The following TRIM16 variants were observed in gnomAD, a reference collection of about 807,000 sequenced individuals.
TRIM16 encodes tripartite motif containing 16, also known as tripartite motif-containing protein 16.
Under a neutral mutation model 50.4 loss-of-function variants are expected in TRIM16, and 33 were observed. The ratio of observed to expected loss-of-function variants is 0.65; its 90% CI spans 0.50 to 0.88. The LOEUF (loss-of-function observed/expected upper bound fraction) is 0.88. TRIM16 is among the 40% of genes least tolerant of loss of function. TRIM16 has a pLI of 0.00. For missense variants in TRIM16, 581 were observed against 686.8 expected (o/e 0.85, Z 1.72); for synonymous variants, 229 against 270.7 (o/e 0.85, Z 1.51).
chr17:15,650,716 T>C (rs1987645665), intron 7 of TRIM16, among the ~76,000 whole-genome samples: 1 of 152,186 alleles, frequency 6.6e-6, no homozygotes, highest in African/African-American at 2.4e-5. Context: ...GGATGTGCCA[T>C]GCAGATCCAG....
At chr17:15,646,341 A>G (rs2150912781) in intron 7 of TRIM16, among the ~76,000 whole-genome samples, 1 of 142,476 alleles carries the variant, frequency 7.0e-6, no homozygotes, top group South Asian at 2.3e-4. Context: ...GTTTCCCAAG[A>G]GGTCAGCCAC....
Position 15,651,886 on chromosome 17 carries a change from C to T in TRIM16, c.-277G>A. 1.4e-6 allele frequency: 2 copies of T among 1,385,904 alleles called. No homozygotes were observed. The highest frequency in any genetic ancestry group is 3.0e-5 in the South Asian group (2 of 66,110). 85.9% of individuals were successfully genotyped at this position (1,385,904 alleles called of 1,614,324 possible). ...CAGGTCCAGCCCTGAAACTTCTATT[C>T]TTATGTGAATCATCTGAACCCCATA... On this transcript the variant is annotated 5_prime_UTR_variant, in exon 7 of 12. Coordinates refer to ENST00000649191, the MANE Select transcript of TRIM16 (RefSeq NM_001348119.1).
chr17:15,647,557 C>T, intron 7 of TRIM16, among the ~76,000 whole-genome samples: 1 of 152,130 alleles, frequency 6.6e-6, no homozygotes, highest in Non-Finnish European at 1.5e-5. Flanking sequence ...GGAACCTGCA[C>T]TGACCTCGCT....
rs917222966 is a variant in TRIM16, at chr17:15,638,487, A to G, written c.616-2218T>C. ...TCAGAGGCTGAGGCGGGAGAATGGCATGAACCTAGGAAGCGGAGCTTGCAG... is the reference window on the plus strand; with the variant it reads ...TCAGAGGCTGAGGCGGGAGAATGGCGTGAACCTAGGAAGCGGAGCTTGCAG... On this transcript the variant is annotated intron_variant, in intron 8 of 11. Transcript: ENST00000649191. Among the ~76,000 whole-genome samples the G allele has an allele frequency of 2.3e-4, 34 of 148,666 alleles. 1 individual carries two copies. Among genetic ancestry groups the G allele is most frequent in the African/African-American group, 8.2e-4 (33 of 40,144 alleles).
At chr17:15,664,056 G>T (rs1382103915) in intron 6 of TRIM16, among the ~76,000 whole-genome samples, 1 of 152,216 alleles carries the variant, frequency 6.6e-6, no homozygotes, top group Non-Finnish European at 1.5e-5. Flanking sequence ...ATCTATGAAA[G>T]CAAAACAGGT....
At position 15,677,183 on chromosome 17, in the gene TRIM16, G is replaced by A. The variant is rs768655272; in HGVS notation, c.-345C>T. On this transcript the variant is annotated 5_prime_UTR_variant, in exon 6 of 12. Coordinates refer to ENST00000649191, the MANE Select transcript of TRIM16 (RefSeq NM_001348119.1). ...TGCCTTGTTCTCACTTACGTGTACC[G>A]CTGCTTCTTGGCACCTCTCCCTCCT... 29 of 985,328 alleles carry A rather than the reference G, an allele frequency of 2.9e-5. No individual in the cohort carries two copies. The highest frequency in any genetic ancestry group is 5.2e-4 in the Middle Eastern group (1 of 1,914). 61.0% of individuals were successfully genotyped at this position (985,328 alleles called of 1,614,324 possible). A position where few individuals can be genotyped will look rare whatever the true frequency, so the allele number is the denominator to read the frequency against.
chr17:15,671,143 C>T (rs1166320529), intron 6 of TRIM16, among the ~76,000 whole-genome samples: 4 of 152,204 alleles, frequency 2.6e-5, no homozygotes, highest in African/African-American at 4.8e-5. Context: ...AACTAGCACA[C>T]GAATGAACTG....
At chr17:15,632,334 G>A (rs1324189441) in intron 10 of TRIM16, among the ~76,000 whole-genome samples, 175 bp downstream of exon 10, 7 of 151,920 alleles carry the variant, frequency 4.6e-5, no homozygotes, top group African/African-American at 1.5e-4. Flanking sequence ...CTGAGATTGC[G>A]CCATTGCACT....
At chr17:15,665,910 C>T (rs1029969152) in intron 6 of TRIM16, among the ~76,000 whole-genome samples, 1 of 151,948 alleles carries the variant, frequency 6.6e-6, no homozygotes, top group Non-Finnish European at 1.5e-5. Context: ...GTAAGGCCTC[C>T]CTAGATCCCA....
intron 6 of TRIM16, among the ~76,000 whole-genome samples, chr17:15,666,285 T>G (rs938648955): frequency 2.6e-4 from 39 of 152,356 alleles, no homozygotes; most frequent in African/African-American, 9.1e-4. Flanking sequence ...TCTCACTGTA[T>G]TGCCCAAGTT....
At position 15,642,213 on chromosome 17, in the gene TRIM16, AG is replaced by A. The variant is rs1987147541; in HGVS notation, c.615+507del. Among the ~76,000 whole-genome samples, 3 of 149,056 alleles carry A rather than the reference AG, an allele frequency of 2.0e-5. 1 individual carries two copies. The highest frequency in any genetic ancestry group is 4.4e-4 in the South Asian group (2 of 4,576). Reference sequence around the variant, plus strand: ...ATGAGAGGCATTTGTAGAACTCCTCAGAATCCACTTGGAGACCATTTACTGC... The same window carrying A: ...ATGAGAGGCATTTGTAGAACTCCTCAAATCCACTTGGAGACCATTTACTGC... On this transcript the variant is annotated intron_variant, in intron 8 of 11. Transcript: ENST00000649191.
At chr17:15,679,745 G>A (rs1349197992) in intron 4 of TRIM16, among the ~76,000 whole-genome samples, 3 of 152,158 alleles carry the variant, frequency 2.0e-5, no homozygotes, top group South Asian at 2.1e-4. Flanking sequence ...AGACCATCCT[G>A]GCTAACACGG....
Position 15,680,920 on chromosome 17 carries a change from T to C in TRIM16, c.-645A>G. On this transcript the variant is annotated 5_prime_UTR_variant, in exon 4 of 12. Coordinates refer to ENST00000649191, the MANE Select transcript of TRIM16 (RefSeq NM_001348119.1). ...CATATTTTCCTTCTTAAGATACCCC[T>C]TTTGGGAAAGGGCAGGGTCCTCAGA... 6.5e-7 allele frequency: 1 copy of C among 1,545,684 alleles called. No individual in the cohort carries two copies. The highest frequency in any genetic ancestry group is 8.7e-7 in the Non-Finnish European group (1 of 1,145,650).
intron 6 of TRIM16, among the ~76,000 whole-genome samples, chr17:15,666,159 C>T (rs1237639530): frequency 2.0e-5 from 3 of 152,214 alleles, no homozygotes; most frequent in African/African-American, 7.2e-5. Flanking sequence ...TGGCAATAGG[C>T]TCCACACTAG....
intron 7 of TRIM16, among the ~76,000 whole-genome samples, chr17:15,646,258 C>T (rs1987373503): frequency 6.7e-6 from 1 of 149,912 alleles, no homozygotes; most frequent in Admixed American, 6.6e-5. Context: ...GGTGGAACCA[C>T]TTTGAAAGAC....
rs1253175581 is a variant in TRIM16, at chr17:15,651,411, C to A, written c.199G>T (p.Asp67Tyr). 2 of 1,614,088 alleles carry A rather than the reference C, an allele frequency of 1.2e-6. No individual in the cohort carries two copies. Among genetic ancestry groups the A allele is most frequent in the East Asian group, 2.2e-5 (1 of 44,876 alleles). ...EQDSDSAEQG[D>Y]PAGEGKEVLC... ...ACCTCTTTCCCCTCACCAGCAGGAT[C>A]CCCCTGCTCTGCAGAGTCGCTGTCC... is the stretch of plus-strand genomic sequence containing the variant. Residue 67 changes from aspartate (D) to tyrosine (Y), a missense_variant, in exon 7 of 12, where the codon GAT (aspartate) becomes TAT (tyrosine). Physicochemically the swap from Asp to Tyr is radical, Grantham distance 160. This residue lies in a region of TRIM16 where 450 missense variants were observed against 544.3 expected (regional missense o/e 0.83). Transcript: ENST00000649191.
chr17:15,644,827 G>A (rs1177753341), intron 7 of TRIM16, among the ~76,000 whole-genome samples: 12 of 150,196 alleles, frequency 8.0e-5, no homozygotes, highest in Admixed American at 7.9e-4. Flanking sequence ...TTCTTTGTTT[G>A]TTTTTTGAGA....
At chr17:15,639,759 T>C (rs1987033246) in intron 8 of TRIM16, among the ~76,000 whole-genome samples, 1 of 149,328 alleles carries the variant, frequency 6.7e-6, no homozygotes, top group Admixed American at 6.6e-5. Flanking sequence ...GAGCACTGTC[T>C]GAAATGAAGA....
chr17:15,633,911 C>T (rs1986566900), intron 9 of TRIM16, among the ~76,000 whole-genome samples: 1 of 149,084 alleles, frequency 6.7e-6, no homozygotes, highest in Non-Finnish European at 1.5e-5. Flanking sequence ...AATAAACTTA[C>T]AGGCTGGGTG....
Sources: gnomAD v4.1 joint callset for allele counts (sites outside exome capture counted in the v4.1 genomes callset) on GRCh38, gnomAD v4.1.1 for gene constraint, gnomAD v4.1.1 regional missense constraint, MANE v1.5 for transcripts, NCBI Gene and HGNC (gene_info 2026-07-23, HGNC 2026-07-21) for gene names.